The following PPIB variants were observed in gnomAD, a reference collection of about 807,000 sequenced individuals.
PPIB encodes peptidyl-prolyl cis-trans isomerase B.
PPIB carries 15 observed loss-of-function variants against 20.1 expected under a neutral mutation model. The ratio of observed to expected loss-of-function variants is 0.75; its 90% CI spans 0.50 to 1.15. PPIB has a LOEUF of 1.15. Among genes scored for constraint, PPIB ranks in the 50% most tolerant of loss-of-function variants. The probability of loss-of-function intolerance (pLI) is 0.00; values close to 1 mark genes in which losing one functional copy is unlikely to be tolerated. For missense variants in PPIB, 278 were observed against 283.0 expected (o/e 0.98, Z 0.13); for synonymous variants, 129 against 111.0 (o/e 1.16, Z -1.02).
Position 64,155,866 on chromosome 15 carries a change from G to C in PPIB, c.*157C>G. On this transcript the variant is annotated 3_prime_UTR_variant, in exon 5 of 5. Transcript: ENST00000300026. ...TTTTTTTTATTGGTCAGTGTTGGTA[G>C]GAGTTTGTTACAAAAGTGAGTCCAT... 2 of 1,088,766 alleles carry C rather than the reference G, an allele frequency of 1.8e-6. No individual in the cohort carries two copies. Among genetic ancestry groups the C allele is most frequent in the East Asian group, 4.8e-5 (2 of 41,458 alleles). 67.4% of individuals were successfully genotyped at this position (1,088,766 alleles called of 1,614,324 possible).
In PPIB at chr15:64,159,284, C is replaced by T. The variant is rs2081552158; in HGVS notation, c.343+820G>A. On this transcript the variant is annotated intron_variant, in intron 3 of 4. Transcript: ENST00000300026. The surrounding 1 kb of genome is among the most constrained non-coding windows in gnomAD (Gnocchi z 5.1). The stretch of plus-strand genomic sequence containing the variant: ...GGCTGTACCTGAGCTCAGTGAGACT[C>T]ATGCAGGCGTCCGGGGGTCTTTCTG... 6.6e-6 allele frequency: 1 copy of T among 152,502 alleles called. No individual in the cohort carries two copies. Among genetic ancestry groups the T allele is most frequent in the African/African-American group, 2.4e-5 (1 of 41,444 alleles). The allele number at this position is 152,502 out of a possible 1,614,324, so 9.4% of individuals were successfully genotyped here.
Position 64,159,853 on chromosome 15 carries a change from T to C in PPIB, c.343+251A>G. On this transcript the variant is annotated intron_variant, in intron 3 of 4. Coordinates refer to ENST00000300026, the MANE Select transcript of PPIB (RefSeq NM_000942.5). This position sits in a 1 kb window ranked among gnomAD's most constrained non-coding sequence, Gnocchi z 5.1. The stretch of plus-strand genomic sequence containing the variant: ...AGGAAAGGTCACCAGGCTATAGGCC[T>C]GGATCAGCAGGACGGTCACCTGGGA... 1 of 584,540 alleles carries C rather than the reference T, an allele frequency of 1.7e-6. No homozygotes were observed. The allele number at this position is 584,540 out of a possible 1,614,324, so 36.2% of individuals were successfully genotyped here.
intron 1 of PPIB, 59 bp downstream of exon 1, chr15:64,162,793 A>G (rs2081569987): frequency 6.3e-7 from 1 of 1,582,416 alleles, no homozygotes; most frequent in African/African-American, 1.3e-5. Flanking sequence ...AGCCAAGGCC[A>G]AGCCAAGGCC....
Position 64,156,875 on chromosome 15 carries a change from C to A in PPIB, c.378G>T (p.Glu126Asp), listed in dbSNP as rs755666526. 4 of 1,614,050 alleles carry A rather than the reference C, an allele frequency of 2.5e-6. No individual in the cohort carries two copies. The African/African-American group carries it at 5.3e-5, about 22-fold the overall frequency. The change falls in exon 4 of 5, where the codon GAG becomes GAT. Residue 126 changes from glutamate to aspartate, a missense_variant. By Grantham distance (45) the Glu-to-Asp change is conservative. Transcript: ENST00000300026. The surrounding 1 kb of genome is among the most constrained non-coding windows in gnomAD (Gnocchi z 6.4). ...KSIYGERFPDENFKLKHYGPG... is the reference protein window; with the variant it reads ...KSIYGERFPDDNFKLKHYGPG... ...GCCCGTAGTGCTTCAGTTTGAAGTT[C>A]TCATCGGGGAAGCGCTCACCGTAGA...
chr15:64,160,045 G>T lies in PPIB; in HGVS notation c.343+59C>A. The T allele has an allele frequency of 1.4e-6, 2 of 1,426,180 alleles. No homozygotes were observed. The highest frequency in any genetic ancestry group is 2.0e-6 in the Non-Finnish European group (2 of 1,009,224). The allele number at this position is 1,426,180 out of a possible 1,614,324, so 88.3% of individuals were successfully genotyped here. ...GGCCTGGTCTCCCCAGCAGAACCTG[G>T]CCCTCCCACTGTGGAGGCTACACTG... On this transcript the variant is annotated intron_variant, in intron 3 of 4. Transcript: ENST00000300026. This position sits in a 1 kb window ranked among gnomAD's most constrained non-coding sequence, Gnocchi z 4.8.
Position 64,162,924 on chromosome 15 carries a change from G to T in PPIB, c.63C>A (p.Ser21=), listed in dbSNP as rs4904. ...VLLAAALIAG[S]VFFLLLPGPS... ...GTCCCGGCAGCAGCAGGAAGAAGAC[G>T]GACCCCGCGATGAGGGCGGCGGCAA... The change falls in exon 1 of 5, where the codon TCC becomes TCA. Residue 21 remains serine (S), a synonymous_variant. Transcript: ENST00000300026. 0.028 allele frequency: 45,375 copies of T among 1,613,344 alleles called. 1,655 individuals are homozygous for T. The highest frequency in any genetic ancestry group is 0.19 in the Admixed American group (11,321 of 59,876).
intron 1 of PPIB, among the ~76,000 whole-genome samples, chr15:64,162,553 G>A (rs2081568759): frequency 6.6e-6 from 1 of 152,208 alleles, no homozygotes; most frequent in Non-Finnish European, 1.5e-5. Flanking sequence ...TTCGGAATCC[G>A]GCAGGCGTGA....
rs2081559565 is a variant in PPIB at position 64,160,657 on chromosome 15, T to C, written c.250-460A>G. On this transcript the variant is annotated intron_variant, in intron 2 of 4. Coordinates refer to ENST00000300026, the MANE Select transcript of PPIB (RefSeq NM_000942.5). The surrounding 1 kb of genome is among the most constrained non-coding windows in gnomAD (Gnocchi z 4.8). ...TCTCATTTTTTAAATTTTATTATTA[T>C]TTTTTTGAGACAGAGTTTCTCTCTT... is the stretch of plus-strand genomic sequence containing the variant. 6.6e-6 allele frequency among the ~76,000 whole-genome samples: 1 copy of C among 152,202 alleles called. No individual in the cohort carries two copies. The highest frequency in any genetic ancestry group is 1.5e-5 in the Non-Finnish European group (1 of 68,040).
At chr15:64,162,178 C>T in intron 1 of PPIB, 24 bp from the exon 2 acceptor site, 1 of 1,564,716 alleles carries the variant, frequency 6.4e-7, no homozygotes, top group Non-Finnish European at 8.8e-7. Flanking sequence ...CCATTTCCAA[C>T]TTAGCTTCTT....
chr15:64,157,695 C>G lies in PPIB; in HGVS notation c.344-786G>C, dbSNP rs555453405. The stretch of plus-strand genomic sequence containing the variant: ...GTCATTTTCATTTTGTTTTATCTAA[C>G]ACCTTTCAAACATATTTGCATGCAA... On this transcript the variant is annotated intron_variant, in intron 3 of 4. Coordinates refer to ENST00000300026, the MANE Select transcript of PPIB (RefSeq NM_000942.5). This position sits in a 1 kb window ranked among gnomAD's most constrained non-coding sequence, Gnocchi z 4.2. Among the ~76,000 whole-genome samples, 90 of 152,322 alleles carry G rather than the reference C, an allele frequency of 5.9e-4. No homozygotes were observed. The highest frequency in any genetic ancestry group is 2.0e-3 in the African/African-American group (82 of 41,570).
rs1416327231 is a variant in PPIB at position 64,161,008 on chromosome 15, T to C, written c.250-811A>G. On this transcript the variant is annotated intron_variant, in intron 2 of 4. Coordinates refer to ENST00000300026, the MANE Select transcript of PPIB (RefSeq NM_000942.5). This position sits in a 1 kb window ranked among gnomAD's most constrained non-coding sequence, Gnocchi z 4.2. ...GGAGTTTCCCTCTTGTTGCCCAGGC[T>C]AGAGTGCAGTGGGGCAATCTCGGCT... is the stretch of plus-strand genomic sequence containing the variant. 1.3e-5 allele frequency among the ~76,000 whole-genome samples: 2 copies of C among 152,062 alleles called. No individual in the cohort carries two copies. The highest frequency in any genetic ancestry group is 2.9e-5 in the Non-Finnish European group (2 of 68,018).
At position 64,162,667 on chromosome 15, in the gene PPIB, G is replaced by C. The variant is rs530257639; in HGVS notation, c.135+185C>G. Among the ~76,000 whole-genome samples the C allele has an allele frequency of 5.9e-5, 9 of 152,318 alleles. 1 individual carries two copies. The highest frequency in any genetic ancestry group is 1.9e-4 in the African/African-American group (8 of 41,582). Reference sequence around the variant, plus strand: ...TATCCGGGGATCCAACTAACTCCCTGGGTCAGGGCAGGGGCTGGGGGTGTC... The same window carrying C: ...TATCCGGGGATCCAACTAACTCCCTCGGTCAGGGCAGGGGCTGGGGGTGTC... On this transcript the variant is annotated intron_variant, in intron 1 of 4. Transcript: ENST00000300026.
intron 1 of PPIB, among the ~76,000 whole-genome samples, chr15:64,162,402 C>A (rs1250990817): frequency 6.6e-6 from 1 of 152,190 alleles, no homozygotes; most frequent in Non-Finnish European, 1.5e-5. Context: ...TTGCTCTAAA[C>A]AGCTAATGGA....
rs1231823563 is a variant in PPIB at position 64,157,275 on chromosome 15, A to AGGGTCG, written c.344-372_344-367dup. The AGGGTCG allele has an allele frequency of 3.4e-6, 1 of 298,460 alleles. No homozygotes were observed. Among genetic ancestry groups the AGGGTCG allele is most frequent in the Non-Finnish European group, 6.4e-6 (1 of 155,178 alleles). 18.5% of individuals were successfully genotyped at this position (298,460 alleles called of 1,614,324 possible). Reference sequence around the variant, plus strand: ...CCGTGCAGGATGCAGGGGAGTCAACAGGGTCGGAACTCTCCAGAAAAGGAG... The same window carrying AGGGTCG: ...CCGTGCAGGATGCAGGGGAGTCAACAGGGTCGGGGTCGGAACTCTCCAGAAAAGGAG... On this transcript the variant is annotated intron_variant, in intron 3 of 4. Transcript: ENST00000300026. This position sits in a 1 kb window ranked among gnomAD's most constrained non-coding sequence, Gnocchi z 4.2.
rs1054186117 is a variant in PPIB at position 64,157,019 on chromosome 15, G to A, written c.344-110C>T. On this transcript the variant is annotated intron_variant, in intron 3 of 4. Transcript: ENST00000300026. The surrounding 1 kb of genome is among the most constrained non-coding windows in gnomAD (Gnocchi z 4.2). ...CCTGTCCTCTGTGCCAGGCTAGGCTGGAGTGGACTACAAGGACATAAAAGC... is the reference window on the plus strand; with the variant it reads ...CCTGTCCTCTGTGCCAGGCTAGGCTAGAGTGGACTACAAGGACATAAAAGC... 4 of 1,169,762 alleles carry A rather than the reference G, an allele frequency of 3.4e-6. No individual in the cohort carries two copies. Among genetic ancestry groups the A allele is most frequent in the Admixed American group, 4.3e-5 (2 of 46,758 alleles). 72.5% of individuals were successfully genotyped at this position (1,169,762 alleles called of 1,614,324 possible). A position where few individuals can be genotyped will look rare whatever the true frequency, so the allele number is the denominator to read the frequency against.
At position 64,160,291 on chromosome 15, in the gene PPIB, G is replaced by C; in HGVS notation, c.250-94C>G. On this transcript the variant is annotated intron_variant, in intron 2 of 4. Transcript: ENST00000300026. This position sits in a 1 kb window ranked among gnomAD's most constrained non-coding sequence, Gnocchi z 4.8. ...TCACAGGAACAAGTCCACAACTCCT[G>C]CTCGCAGAAGAGACACCACTGCTGA... 9.9e-7 allele frequency: 1 copy of C among 1,014,596 alleles called. No individual in the cohort carries two copies. The allele number at this position is 1,014,596 out of a possible 1,614,324, so 62.8% of individuals were successfully genotyped here.
At position 64,158,389 on chromosome 15, in the gene PPIB, A is replaced by G. The variant is rs962087490; in HGVS notation, c.344-1480T>C. On this transcript the variant is annotated intron_variant, in intron 3 of 4. Coordinates refer to ENST00000300026, the MANE Select transcript of PPIB (RefSeq NM_000942.5). The surrounding 1 kb of genome is among the most constrained non-coding windows in gnomAD (Gnocchi z 4.7). Reference sequence around the variant, plus strand: ...GAAGAAACTGAGGCACAGAGAATAAAAGGAGCCCCAGCAGAGCAACAGCGG... The same window carrying G: ...GAAGAAACTGAGGCACAGAGAATAAGAGGAGCCCCAGCAGAGCAACAGCGG... Among the ~76,000 whole-genome samples the G allele has an allele frequency of 1.4e-4, 21 of 152,200 alleles. No homozygotes were observed. The highest frequency in any genetic ancestry group is 5.1e-4 in the African/African-American group (21 of 41,450).
At position 64,156,023 on chromosome 15, in the gene PPIB, C is replaced by G; in HGVS notation, c.651G>C (p.Ter217TyrextTer9). ...ACTCAAAGAAAGATGTCCCTGTGCC[C>G]TACTCCTTGGCGATGGCAAAGGGCT... ...VEKPFAIAKE[*>Y] The change falls in exon 5 of 5, where the codon TAG becomes TAC. Residue 217 changes from the stop codon to tyrosine (Y), a stop_lost. Transcript: ENST00000300026. The surrounding 1 kb of genome is among the most constrained non-coding windows in gnomAD (Gnocchi z 6.4). The G allele has an allele frequency of 6.2e-7, 1 of 1,614,152 alleles. No homozygotes were observed. Among genetic ancestry groups the G allele is most frequent in the Non-Finnish European group, 8.5e-7 (1 of 1,180,010 alleles).
chr15:64,155,938 G>T lies in PPIB; in HGVS notation c.*85C>A. On this transcript the variant is annotated 3_prime_UTR_variant, in exon 5 of 5. Coordinates refer to ENST00000300026, the MANE Select transcript of PPIB (RefSeq NM_000942.5). The stretch of plus-strand genomic sequence containing the variant: ...AGTGGGTCCGCTCCACCAGATGCCA[G>T]CACCGGGGCCAGTGCAGCTCAGAGC... 6.2e-7 allele frequency: 1 copy of T among 1,603,780 alleles called. No individual in the cohort carries two copies.
Sources: gnomAD v4.1 joint callset for allele counts (sites outside exome capture counted in the v4.1 genomes callset) on GRCh38, gnomAD v4.1.1 for gene constraint, Gnocchi (gnomAD v3.1) non-coding constraint, MANE v1.5 for transcripts, NCBI Gene and HGNC (gene_info 2026-07-23, HGNC 2026-07-21) for gene names.